ASAH2: variants seen among roughly 807,000 people sequenced by gnomAD.
The protein encoded by ASAH2 is neutral ceramidase.
A neutral mutation model predicts 82.9 loss-of-function variants in ASAH2; 58 were observed. The observed-to-expected ratio is 0.70, with a 90% CI of 0.57 to 0.87. The LOEUF is 0.87. Among genes scored for constraint, ASAH2 ranks in the 40% least tolerant of loss-of-function variants. The probability of loss-of-function intolerance (pLI) is 0.00; values close to 1 mark genes in which losing one functional copy is unlikely to be tolerated. For synonymous variants in ASAH2, 276 were observed against 289.7 expected (o/e 0.95, Z 0.48); for missense variants, 779 against 834.0 (o/e 0.93, Z 0.81).
At position 50,233,187 on chromosome 10, in the gene ASAH2, A is replaced by G. The variant is rs1309430280; in HGVS notation, c.890T>C (p.Ile297Thr). Residue 297 changes from isoleucine to threonine, a missense_variant, in exon 7 of 21, where the codon ATC (isoleucine) becomes ACC (threonine). By Grantham distance (89) the Ile-to-Thr change is moderately conservative (BLOSUM62 -1). Transcript: ENST00000682911. ...VDLNGDDLGLISWFAIHPVSM... is the reference protein window; with the variant it reads ...VDLNGDDLGLTSWFAIHPVSM... ...TTTTAAAAAGGAAATACAGTACCTG[A>G]TAAGGCCCAAGTCATCTCCATTCAA... 6 of 1,608,200 alleles carry G rather than the reference A, an allele frequency of 3.7e-6. No individual in the cohort carries two copies. Among genetic ancestry groups the G allele is most frequent in the Non-Finnish European group, 5.1e-6 (6 of 1,174,842 alleles).
intron 12 of ASAH2, among the ~76,000 whole-genome samples, chr10:50,206,379 T>G (rs1845297379): frequency 6.6e-6 from 1 of 151,904 alleles, no homozygotes; most frequent in Non-Finnish European, 1.5e-5. Context: ...TCCTGCTCAT[T>G]CATGTTGCAA....
intron 2 of ASAH2, among the ~76,000 whole-genome samples, chr10:50,246,910 G>A (rs2133235905): frequency 6.6e-6 from 1 of 152,166 alleles, no homozygotes; most frequent in East Asian, 1.9e-4. Context: ...ACAATCTCAG[G>A]GTCTCCGTTT....
rs1394713402 is a variant in ASAH2 at position 50,185,849 on chromosome 10, C to G, written c.*1466G>C. On this transcript the variant is annotated 3_prime_UTR_variant, in exon 21 of 21. Transcript: ENST00000682911. The stretch of plus-strand genomic sequence containing the variant: ...GAATATTGTTATTATTTTCAAACCT[C>G]AAAGTTTATTTTTAAAATACAGATT... The G allele has an allele frequency of 2.8e-5, 4 of 143,922 alleles. No individual in the cohort carries two copies. Among genetic ancestry groups the G allele is most frequent in the Non-Finnish European group, 4.5e-5 (3 of 66,508 alleles). 8.9% of individuals were successfully genotyped at this position (143,922 alleles called of 1,614,324 possible).
At chr10:50,221,662 TAGATAGATAGATG>T (rs1486849954) in intron 7 of ASAH2, among the ~76,000 whole-genome samples, 135 of 139,838 alleles carry the variant, frequency 9.7e-4, no homozygotes, top group Non-Finnish European at 1.4e-3. Flanking sequence ...TGTGTGTGTA[TAGATAGATAGATG>T]ATAGATAGAT....
chr10:50,217,478 C>T lies in ASAH2; in HGVS notation c.1014+1032G>A, dbSNP rs571245039. Among the ~76,000 whole-genome samples the T allele has an allele frequency of 2.2e-3, 337 of 152,230 alleles. 2 individuals are homozygous for T. The East Asian group carries it at 0.039, about 18-fold the overall frequency. On this transcript the variant is annotated intron_variant, in intron 8 of 20. Transcript: ENST00000682911. The stretch of plus-strand genomic sequence containing the variant: ...TCCTGACCTCATGATTCACCCACCT[C>T]GGCCTCCCAAAGTGCTGGGATTACA...
In ASAH2 at chr10:50,187,114, TCTCTCA is replaced by T. The variant is rs1564829240; in HGVS notation, c.*195_*200del. 39 of 262,114 alleles carry T rather than the reference TCTCTCA, an allele frequency of 1.5e-4. 1 individual carries two copies. The highest frequency in any genetic ancestry group is 9.8e-4 in the African/African-American group (27 of 27,660). The allele number at this position is 262,114 out of a possible 1,614,324, so 16.2% of individuals were successfully genotyped here. A position where few individuals can be genotyped will look rare whatever the true frequency, so the allele number is the denominator to read the frequency against. On this transcript the variant is annotated 3_prime_UTR_variant, in exon 21 of 21. Transcript: ENST00000682911. Reference sequence around the variant, plus strand: ...CTCTCTCTCTCTCTCTCTCTCTCTCTCTCTCACACACACACACACACACACACACAC... The same window carrying T: ...CTCTCTCTCTCTCTCTCTCTCTCTCTCACACACACACACACACACACACAC...
Position 50,231,340 on chromosome 10 carries a change from C to T in ASAH2, c.893+1844G>A, listed in dbSNP as rs984728058. On this transcript the variant is annotated intron_variant, in intron 7 of 20. Transcript: ENST00000682911. ...TATGGCTCTGTATTTTTCATGACTC[C>T]GTGAGAAATCCCATGACTCCTTGAA... Among the ~76,000 whole-genome samples, 173 of 152,176 alleles carry T rather than the reference C, an allele frequency of 1.1e-3. 5 individuals are homozygous for T. In the South Asian group the frequency reaches 0.034, roughly 30 times the overall value.
chr10:50,199,131 C>T lies in ASAH2; in HGVS notation c.1777G>A (p.Ala593Thr). Reference sequence around the variant, plus strand: ...TGCGGTCCATAAATTGTCGATGCTGCCTCATATCGCTGAGCCTGCAGGAAA... The same window carrying T: ...TGCGGTCCATAAATTGTCGATGCTGTCTCATATCGCTGAGCCTGCAGGAAA... Reference protein sequence around the residue: ...YEEYQAQRYEAASTIYGPHTL... With the variant: ...YEEYQAQRYETASTIYGPHTL... Residue 593 changes from alanine to threonine, a missense_variant, in exon 17 of 21, where the codon GCA (alanine) becomes ACA (threonine). Transcript: ENST00000682911. The T allele has an allele frequency of 5.6e-6, 9 of 1,613,172 alleles. No individual in the cohort carries two copies. The highest frequency in any genetic ancestry group is 7.6e-6 in the Non-Finnish European group (9 of 1,179,374).
At chr10:50,213,083 A>G (rs1845503255) in intron 9 of ASAH2, 25 bp from the exon 10 acceptor site, 3 of 1,564,888 alleles carry the variant, frequency 1.9e-6, no homozygotes, top group Non-Finnish European at 2.6e-6. Flanking sequence ...GATATGATGC[A>G]TTCTTGGCCA....
rs1014504947 is a variant in ASAH2, at chr10:50,203,721, C to T, written c.1626-42G>A. ...ATTATGTAAACGTTTTCCTACTAGA[C>T]GTATGCAGAGTACACAGAAACACTG... On this transcript the variant is annotated intron_variant, in intron 14 of 20. Coordinates refer to ENST00000682911, the MANE Select transcript of ASAH2 (RefSeq NM_019893.4). 3.0e-3 allele frequency: 4,719 copies of T among 1,583,808 alleles called. 21 individuals are homozygous for T. Among genetic ancestry groups the T allele is most frequent in the Non-Finnish European group, 3.5e-3 (4,028 of 1,152,756 alleles).
chr10:50,211,483 G>A (rs1174657440), intron 10 of ASAH2, among the ~76,000 whole-genome samples: 1 of 152,176 alleles, frequency 6.6e-6, no homozygotes, highest in African/African-American at 2.4e-5. Flanking sequence ...CTTTGCTAGA[G>A]TGAGAGTGTA....
At chr10:50,197,710 G>A (rs1845022705) in intron 17 of ASAH2, among the ~76,000 whole-genome samples, 1 of 151,824 alleles carries the variant, frequency 6.6e-6, no homozygotes, top group East Asian at 1.9e-4. Flanking sequence ...GTTTTAAGGT[G>A]CTTGACCAGA....
intron 6 of ASAH2, 122 bp downstream of exon 6, chr10:50,234,303 A>T (rs1846091025): frequency 2.2e-6 from 3 of 1,381,276 alleles, no homozygotes; most frequent in Non-Finnish European, 3.1e-6. Context: ...TTTTTAAGAT[A>T]TCATAGCTGT....
chr10:50,200,054 T>A (rs1845099040), intron 16 of ASAH2, among the ~76,000 whole-genome samples: 2 of 151,408 alleles, frequency 1.3e-5, no homozygotes, highest in Admixed American at 6.6e-5. Context: ...GATAAGTAGT[T>A]TTTTGATCCT....
intron 7 of ASAH2, among the ~76,000 whole-genome samples, chr10:50,221,637 G>GTA (rs1183000426): frequency 0.014 from 2,089 of 150,186 alleles, 50 homozygotes; most frequent in African/African-American, 0.049. Context: ...TTGTATGTGT[G>GTA]TGTGTGTGTG....
chr10:50,216,666 G>A (rs1370413880), intron 8 of ASAH2, among the ~76,000 whole-genome samples: 10 of 61,090 alleles, frequency 1.6e-4, no homozygotes, highest in African/African-American at 2.3e-4. Context: ...TGCCCTTGAT[G>A]TATATTTTCT....
At chr10:50,229,169 G>A (rs930804910) in intron 7 of ASAH2, among the ~76,000 whole-genome samples, 4 of 152,000 alleles carry the variant, frequency 2.6e-5, no homozygotes, top group African/African-American at 4.8e-5. Flanking sequence ...TATTGCATCC[G>A]AGACTCTCAA....
At chr10:50,206,514 A>G (rs1845300718) in intron 12 of ASAH2, among the ~76,000 whole-genome samples, 1 of 145,262 alleles carries the variant, frequency 6.9e-6, no homozygotes, top group Non-Finnish European at 1.5e-5. Context: ...TCCCTGAAAT[A>G]ATTTCTCCTG....
chr10:50,210,959 G>A, intron 11 of ASAH2, 55 bp from the exon 12 acceptor site: 2 of 1,602,244 alleles, frequency 1.2e-6, no homozygotes, highest in Non-Finnish European at 1.7e-6. Context: ...AAGTTAAACT[G>A]AAAGTAAATA....
Sources: allele counts gnomAD v4.1 joint callset (sites outside exome capture counted in the v4.1 genomes callset), GRCh38; gene constraint gnomAD v4.1.1; transcripts MANE v1.5; gene names NCBI Gene and HGNC (gene_info 2026-07-23, HGNC 2026-07-21).